Variants in TUBGCP3 observed in about 807,000 individuals in gnomAD.
TUBGCP3 encodes gamma-tubulin complex component 3.
Under a neutral mutation model 123.1 loss-of-function variants are expected in TUBGCP3, and 50 were observed. The observed-to-expected ratio is 0.41, with a 90% CI of 0.32 to 0.51. TUBGCP3 has a LOEUF of 0.51. TUBGCP3 is among the 20% of genes least tolerant of loss of function. TUBGCP3 has a pLI of 0.36. For synonymous variants in TUBGCP3, 405 were observed against 413.9 expected, an observed-to-expected ratio of 0.98 and a Z score of 0.26; for missense variants, 882 against 1,127.0, an observed-to-expected ratio of 0.78 and a Z score of 3.11.
At chr13:112,537,431 A>C (rs1393952952) in intron 11 of TUBGCP3, among the ~76,000 whole-genome samples, 2 of 152,180 alleles carry the variant, frequency 1.3e-5, no homozygotes, top group Non-Finnish European at 2.9e-5. Flanking sequence ...CTGCCTTAGT[A>C]AGATGTCTTA....
intron 21 of TUBGCP3, among the ~76,000 whole-genome samples, chr13:112,486,473 G>C (rs1222292171): frequency 6.6e-6 from 1 of 152,234 alleles, no homozygotes; most frequent in African/African-American, 2.4e-5. Context: ...AAACAGCAAA[G>C]TAACAGATGT....
intron 13 of TUBGCP3, among the ~76,000 whole-genome samples, chr13:112,526,199 G>A (rs1365712992): frequency 1.4e-5 from 2 of 143,764 alleles, no homozygotes; most frequent in Admixed American, 7.0e-5. Flanking sequence ...CCACCACCAC[G>A]CCATCATCAC....
At chr13:112,556,325 A>G in intron 5 of TUBGCP3, 101 bp from the exon 6 acceptor site, 1 of 1,153,758 alleles carries the variant, frequency 8.7e-7, no homozygotes, top group Non-Finnish European at 1.2e-6. Flanking sequence ...AATTACATAA[A>G]TTTATAAATC....
At chr13:112,546,019 T>A in intron 10 of TUBGCP3, 154 bp from the exon 11 acceptor site, 1 of 726,958 alleles carries the variant, frequency 1.4e-6, no homozygotes, top group Non-Finnish European at 2.2e-6. Context: ...GAAGCAGCAG[T>A]AACATGTCAT....
At chr13:112,555,461 T>C (rs978537758) in intron 6 of TUBGCP3, among the ~76,000 whole-genome samples, 10 of 152,326 alleles carry the variant, frequency 6.6e-5, no homozygotes, top group Admixed American at 3.9e-4. Context: ...AATCCTCTGT[T>C]TTCAGGACAC....
intron 1 of TUBGCP3, among the ~76,000 whole-genome samples, chr13:112,576,543 A>C (rs955120963): frequency 1.3e-5 from 2 of 152,234 alleles, no homozygotes; most frequent in Admixed American, 6.5e-5. Flanking sequence ...GAGCTGACGA[A>C]CATATTGATT....
chr13:112,546,082 G>C (rs1290431451), intron 10 of TUBGCP3: 1 of 505,572 alleles, frequency 2.0e-6, no homozygotes, highest in Non-Finnish European at 3.5e-6. Context: ...ACAAGTGTGT[G>C]AGTCACTCTT....
intron 10 of TUBGCP3, 124 bp downstream of exon 10, chr13:112,547,496 T>C (rs1879112806): frequency 7.5e-7 from 1 of 1,325,362 alleles, no homozygotes; most frequent in Non-Finnish European, 9.7e-7. Context: ...ACAAAGCGAG[T>C]GCCAGACGCG....
intron 20 of TUBGCP3, among the ~76,000 whole-genome samples, chr13:112,491,004 TC>T (rs1377607233): frequency 3.3e-5 from 5 of 152,204 alleles, no homozygotes; most frequent in African/African-American, 1.2e-4. Context: ...AAGAGTAAGT[TC>T]TTTCTCACTT....
chr13:112,502,646 C>T (rs567839259), intron 19 of TUBGCP3, among the ~76,000 whole-genome samples: 66 of 150,186 alleles, frequency 4.4e-4, no homozygotes, highest in African/African-American at 1.5e-3. Context: ...CCCGGGTTCA[C>T]GCCATTCTCC....
intron 1 of TUBGCP3, among the ~76,000 whole-genome samples, chr13:112,577,715 C>T (rs1042643217): frequency 3.9e-5 from 6 of 152,130 alleles, no homozygotes; most frequent in South Asian, 2.1e-4. Flanking sequence ...TCTATATTTG[C>T]AATTTTTCTG....
rs1878950202 is a variant in TUBGCP3, at chr13:112,545,887, A to G, written c.1169-22T>C. On this transcript the variant is annotated intron_variant, in intron 10 of 21. Coordinates refer to ENST00000261965, the MANE Select transcript of TUBGCP3 (RefSeq NM_006322.6). The surrounding 1 kb of genome is among the most constrained non-coding windows in gnomAD (Gnocchi z 4.1). ...CTTCCTGGGAGAAATGGAGGAAAAT[A>G]CACAAAAACATCCACATTTACACTC... 1 of 1,604,540 alleles carries G rather than the reference A, an allele frequency of 6.2e-7. No homozygotes were observed. Among genetic ancestry groups the G allele is most frequent in the African/African-American group, 1.3e-5 (1 of 74,758 alleles).
intron 11 of TUBGCP3, among the ~76,000 whole-genome samples, chr13:112,532,157 A>T (rs1166457406): frequency 2.0e-5 from 3 of 152,234 alleles, no homozygotes; most frequent in Non-Finnish European, 4.4e-5. Flanking sequence ...ATAAAATGGC[A>T]ACCGGACCAG....
rs115434419 is a variant in TUBGCP3, at chr13:112,504,818, G to T, written c.2087-104C>A. 550 of 925,782 alleles carry T rather than the reference G, an allele frequency of 5.9e-4. 3 individuals are homozygous for T. The African/African-American group carries it at 8.6e-3, about 14-fold the overall frequency. 57.3% of individuals were successfully genotyped at this position (925,782 alleles called of 1,614,324 possible). A position where few individuals can be genotyped will look rare whatever the true frequency, so the allele number is the denominator to read the frequency against. Reference sequence around the variant, plus strand: ...CAAGCTATCTTAAAACAAAAAATCAGTCATTTAAATTCTTGACCCCTTAAC... The same window carrying T: ...CAAGCTATCTTAAAACAAAAAATCATTCATTTAAATTCTTGACCCCTTAAC... On this transcript the variant is annotated intron_variant, in intron 17 of 21. Transcript: ENST00000261965.
intron 11 of TUBGCP3, among the ~76,000 whole-genome samples, chr13:112,533,799 C>CT (rs56710076): frequency 0.042 from 4,970 of 118,840 alleles, 102 homozygotes; most frequent in African/African-American, 0.05. Flanking sequence ...AAGAGAATTT[C>CT]TTTTTTTTTT....
upstream of TUBGCP3, among the ~76,000 whole-genome samples, chr13:112,593,099 A>T (rs1407905757): frequency 6.6e-6 from 1 of 152,234 alleles, no homozygotes; most frequent in Non-Finnish European, 1.5e-5. Flanking sequence ...AATCAAGCTC[A>T]AACTAAGTAG....
At chr13:112,586,460 CAT>C (rs1231580118) in intron 1 of TUBGCP3, among the ~76,000 whole-genome samples, 1 of 152,098 alleles carries the variant, frequency 6.6e-6, no homozygotes, top group East Asian at 1.9e-4. Flanking sequence ...GAACATGAAA[CAT>C]GTGAAAGGAA....
At chr13:112,496,181 T>C (rs1047099917) in intron 20 of TUBGCP3, among the ~76,000 whole-genome samples, 1 of 152,030 alleles carries the variant, frequency 6.6e-6, no homozygotes, top group African/African-American at 2.4e-5. Context: ...TGATAAAAAA[T>C]GAAACAAGTA....
intron 1 of TUBGCP3, among the ~76,000 whole-genome samples, chr13:112,573,031 T>A: frequency 6.6e-6 from 1 of 150,496 alleles, no homozygotes. Flanking sequence ...CTCTTAAAGA[T>A]GAAAAGAACA....
Sources: allele counts gnomAD v4.1 joint callset (sites outside exome capture counted in the v4.1 genomes callset), GRCh38; gene constraint gnomAD v4.1.1; non-coding constraint Gnocchi (gnomAD v3.1); transcripts MANE v1.5; gene names NCBI Gene and HGNC (gene_info 2026-07-23, HGNC 2026-07-21).